The following CALN1 variants were observed in gnomAD, a reference collection of about 807,000 sequenced individuals.
The protein encoded by CALN1 is calcium-binding protein 8.
Under a neutral mutation model 30.6 loss-of-function variants are expected in CALN1, and 17 were observed. The ratio of observed to expected loss-of-function variants is 0.56; its 90% CI spans 0.38 to 0.83. CALN1 has a LOEUF of 0.83. Ranked by LOEUF, CALN1 falls within the 40% of genes least tolerant of loss-of-function variation. The probability of loss-of-function intolerance (pLI) is 0.00; values close to 1 mark genes in which losing one functional copy is unlikely to be tolerated. For synonymous variants in CALN1, 156 were observed against 131.4 expected, an observed-to-expected ratio of 1.19 and a Z score of -1.28; for missense variants, 291 against 354.9, an observed-to-expected ratio of 0.82 and a Z score of 1.45.
intron 5 of CALN1, among the ~76,000 whole-genome samples, chr7:71,989,901 A>G (rs1021822348): frequency 5.9e-5 from 9 of 152,212 alleles, no homozygotes; most frequent in African/African-American, 1.4e-4. Flanking sequence ...CAAGAAAGAC[A>G]GAAGAAGATA....
At chr7:72,181,099 C>A (rs1304191403) in intron 3 of CALN1, among the ~76,000 whole-genome samples, 1 of 32,194 alleles carries the variant, frequency 3.1e-5, no homozygotes, top group African/African-American at 7.9e-5. Flanking sequence ...CTGCATAACC[C>A]CCCCCCCCCC....
chr7:71,961,549 A>G (rs1388466415), intron 5 of CALN1, among the ~76,000 whole-genome samples: 6 of 152,228 alleles, frequency 3.9e-5, no homozygotes, highest in Middle Eastern at 6.3e-3. Flanking sequence ...GTACTGTTAC[A>G]TGAAATCTGC....
At chr7:72,152,671 T>G (rs1787343845) in intron 3 of CALN1, among the ~76,000 whole-genome samples, 1 of 152,044 alleles carries the variant, frequency 6.6e-6, no homozygotes, top group South Asian at 2.1e-4. Context: ...TCCAGGAAAA[T>G]TCAGGTCCTC....
At chr7:72,287,803 G>A (rs548341462) in intron 2 of CALN1, among the ~76,000 whole-genome samples, 74 of 152,086 alleles carry the variant, frequency 4.9e-4, no homozygotes, top group South Asian at 8.3e-4. Flanking sequence ...ACAATCGATG[G>A]AAAAGTGTGC....
At chr7:72,285,719 C>G (rs1798040401) in intron 2 of CALN1, among the ~76,000 whole-genome samples, 1 of 152,110 alleles carries the variant, frequency 6.6e-6, no homozygotes, top group African/African-American at 2.4e-5. Context: ...AGAAATGCAT[C>G]TTAACTTGTC....
At chr7:71,793,692 C>T (rs991890438) in intron 6 of CALN1, among the ~76,000 whole-genome samples, 4 of 151,988 alleles carry the variant, frequency 2.6e-5, no homozygotes, top group Non-Finnish European at 4.4e-5. Context: ...GCCAACATGG[C>T]AAAACCCCAT....
At chr7:72,112,458 G>C (rs898937323) in intron 3 of CALN1, among the ~76,000 whole-genome samples, 9 of 152,194 alleles carry the variant, frequency 5.9e-5, no homozygotes, top group Non-Finnish European at 1.3e-4. Flanking sequence ...TGTGAGGCTA[G>C]ATGGCATTGA....
At chr7:72,102,148 T>C (rs546580076) in intron 4 of CALN1, among the ~76,000 whole-genome samples, 1 of 152,234 alleles carries the variant, frequency 6.6e-6, no homozygotes, top group African/African-American at 2.4e-5. Context: ...TTCAAAGCTT[T>C]TTAAACATTA....
chr7:72,007,830 G>C (rs904166965), intron 5 of CALN1, among the ~76,000 whole-genome samples: 1 of 152,190 alleles, frequency 6.6e-6, no homozygotes, highest in East Asian at 1.9e-4. Context: ...GCCTCCCAAA[G>C]TGCTGGGATT....
chr7:71,913,072 C>G (rs1411338171), intron 5 of CALN1, among the ~76,000 whole-genome samples: 2 of 152,284 alleles, frequency 1.3e-5, no homozygotes, highest in Admixed American at 1.3e-4. Context: ...TGTTTATCTA[C>G]TTCGTCAACT....
intron 5 of CALN1, among the ~76,000 whole-genome samples, chr7:71,946,367 CTTTT>C (rs34207419): frequency 5.4e-5 from 7 of 128,644 alleles, no homozygotes; most frequent in Non-Finnish European, 3.2e-5. Context: ...TTCTTTCTTT[CTTTT>C]TTTTTTTTTT....
intron 3 of CALN1, among the ~76,000 whole-genome samples, chr7:72,232,013 T>G (rs185052235): frequency 1.1e-4 from 17 of 152,288 alleles, no homozygotes; most frequent in Admixed American, 5.2e-4. Context: ...AAATGTGTGT[T>G]GGGATATTGG....
intron 4 of CALN1, among the ~76,000 whole-genome samples, chr7:72,042,449 G>A (rs922085042): frequency 3.3e-5 from 5 of 152,134 alleles, no homozygotes; most frequent in African/African-American, 7.2e-5. Flanking sequence ...CCCTAACAAC[G>A]AGTAGCGGCA....
At chr7:72,020,688 CCT>C (rs542258763) in intron 5 of CALN1, among the ~76,000 whole-genome samples, 25 of 152,174 alleles carry the variant, frequency 1.6e-4, no homozygotes, top group African/African-American at 6.0e-4. Flanking sequence ...ATCTTTTCAC[CCT>C]GAGTGGGGAA....
At chr7:72,326,060 G>A (rs1269818061) in intron 2 of CALN1, among the ~76,000 whole-genome samples, 1 of 152,186 alleles carries the variant, frequency 6.6e-6, no homozygotes, top group East Asian at 1.9e-4. Flanking sequence ...CCGCCACCAC[G>A]CCTGGCTAAA....
At chr7:72,292,466 A>G (rs1004400819) in intron 2 of CALN1, among the ~76,000 whole-genome samples, 3 of 148,402 alleles carry the variant, frequency 2.0e-5, no homozygotes, top group Non-Finnish European at 4.5e-5. Context: ...GGGTCACTAT[A>G]TCATGACCCA....
chr7:72,224,025 G>A (rs1413735259), intron 3 of CALN1, among the ~76,000 whole-genome samples: 1 of 152,108 alleles, frequency 6.6e-6, no homozygotes, highest in East Asian at 1.9e-4. Context: ...GGAAGGCAAG[G>A]GTTAAAAAGC....
chr7:72,234,831 T>C (rs995857417), intron 3 of CALN1, among the ~76,000 whole-genome samples: 25 of 152,180 alleles, frequency 1.6e-4, no homozygotes, highest in African/African-American at 5.8e-4. Flanking sequence ...AGATGCTGGA[T>C]CTCGGTAGAT....
intron 5 of CALN1, among the ~76,000 whole-genome samples, chr7:71,929,504 A>G (rs1011131859): frequency 3.9e-5 from 6 of 152,182 alleles, no homozygotes; most frequent in African/African-American, 1.4e-4. Context: ...TCCATGGTGT[A>G]TATGTACCAC....
Sources: gnomAD v4.1 joint callset for allele counts (sites outside exome capture counted in the v4.1 genomes callset) on GRCh38, gnomAD v4.1.1 for gene constraint, MANE v1.5 for transcripts, NCBI Gene and HGNC (gene_info 2026-07-23, HGNC 2026-07-21) for gene names.